SORCS1: variants seen among roughly 807,000 people sequenced by gnomAD.
SORCS1 encodes VPS10 domain-containing receptor SorCS1.
A neutral mutation model predicts 146.1 loss-of-function variants in SORCS1; 60 were observed. The observed-to-expected ratio is 0.41, with a 90% CI of 0.33 to 0.51. The LOEUF (loss-of-function observed/expected upper bound fraction) is 0.51. Ranked by LOEUF, SORCS1 falls within the 20% of genes least tolerant of loss-of-function variation. The pLI is 0.21. For missense variants in SORCS1, 1,352 were observed against 1,487.6 expected (o/e 0.91, Z 1.50); for synonymous variants, 637 against 584.0 (o/e 1.09, Z -1.31).
At chr10:107,106,554 T>C (rs1965319508) in intron 1 of SORCS1, among the ~76,000 whole-genome samples, 1 of 152,206 alleles carries the variant, frequency 6.6e-6, no homozygotes, top group Admixed American at 6.5e-5. Flanking sequence ...ATTATATCTA[T>C]TAAATATCTT....
chr10:106,923,308 T>G (rs1456507618), intron 2 of SORCS1, among the ~76,000 whole-genome samples: 1 of 152,202 alleles, frequency 6.6e-6, no homozygotes, highest in Non-Finnish European at 1.5e-5. Flanking sequence ...AGCATTTAAT[T>G]TTCCTCTATG....
chr10:106,791,785 G>A (rs1320538908), intron 3 of SORCS1, among the ~76,000 whole-genome samples: 2 of 152,114 alleles, frequency 1.3e-5, no homozygotes, highest in Non-Finnish European at 1.5e-5. Context: ...TAATTTAACT[G>A]GAAGTGCCTA....
intron 24 of SORCS1, among the ~76,000 whole-genome samples, chr10:106,592,401 C>T (rs556900669): frequency 8.7e-4 from 133 of 152,218 alleles, no homozygotes; most frequent in African/African-American, 3.0e-3. Flanking sequence ...CCTTGTGTTC[C>T]CATAAAAGCA....
intron 4 of SORCS1, among the ~76,000 whole-genome samples, chr10:106,766,505 C>A (rs572479124): frequency 2.0e-5 from 3 of 152,162 alleles, no homozygotes; most frequent in African/African-American, 7.2e-5. Context: ...GAGAAAAATG[C>A]GGTCCTCAGA....
At chr10:106,642,737 C>CAGTGT (rs1221515991) in intron 18 of SORCS1, among the ~76,000 whole-genome samples, 2 of 151,656 alleles carry the variant, frequency 1.3e-5, no homozygotes, top group Non-Finnish European at 2.9e-5. Flanking sequence ...AATAGATAAA[C>CAGTGT]AGTGTCAGGC....
chr10:107,046,010 G>A (rs968695252), intron 1 of SORCS1, among the ~76,000 whole-genome samples: 6 of 151,544 alleles, frequency 4.0e-5, no homozygotes, highest in Admixed American at 3.3e-4. Flanking sequence ...GCAGTGGTGC[G>A]ATCTCGGCTC....
chr10:106,679,439 G>A (rs1852275075), intron 11 of SORCS1, 107 bp from the exon 12 acceptor site: 12 of 1,019,710 alleles, frequency 1.2e-5, no homozygotes, highest in Non-Finnish European at 1.8e-5. Context: ...CAAGCATTCT[G>A]TCTGTGCAGG....
intron 2 of SORCS1, among the ~76,000 whole-genome samples, chr10:106,946,595 G>A (rs1450910744): frequency 6.6e-6 from 1 of 152,230 alleles, no homozygotes; most frequent in Admixed American, 6.5e-5. Context: ...CCAGCACTGT[G>A]GAACTGTGAG....
chr10:106,942,027 G>A lies in SORCS1; in HGVS notation c.626+14486C>T, dbSNP rs549417626. 5.3e-5 allele frequency among the ~76,000 whole-genome samples: 8 copies of A among 152,308 alleles called. No individual in the cohort carries two copies. In the East Asian group the frequency reaches 1.5e-3, roughly 29 times the overall value. On this transcript the variant is annotated intron_variant, in intron 2 of 25. Coordinates refer to ENST00000263054, the MANE Select transcript of SORCS1 (RefSeq NM_052918.5). ...GGGGAATTGACAAGTAGATCTAGTT[G>A]TTCCATATAAATGCAGAAAAATAGC...
chr10:106,625,200 C>CTGTGTGTG lies in SORCS1; in HGVS notation c.2662+3994_2662+4001dup, dbSNP rs3044907. ...CCGTGAGGCTGCACATTGTGTGATT[C>CTGTGTGTG]TGTGTGTGTGTGTGTGTGTGTGTGT... On this transcript the variant is annotated intron_variant, in intron 19 of 25. Transcript: ENST00000263054. Among the ~76,000 whole-genome samples, 992 of 140,134 alleles carry CTGTGTGTG rather than the reference C, an allele frequency of 7.1e-3. 8 individuals carry two copies. Among genetic ancestry groups the CTGTGTGTG allele is most frequent in the Non-Finnish European group, 0.011 (698 of 64,250 alleles). The allele number at this position is 140,134 out of a possible 152,430, so 91.9% of individuals were successfully genotyped here.
At chr10:106,715,132 G>A (rs1855273825) in intron 6 of SORCS1, among the ~76,000 whole-genome samples, 1 of 152,180 alleles carries the variant, frequency 6.6e-6, no homozygotes, top group Admixed American at 6.5e-5. Context: ...CATCCCCCTT[G>A]GGGCTTGCTG....
intron 2 of SORCS1, among the ~76,000 whole-genome samples, chr10:106,954,094 A>C (rs192566339): frequency 6.6e-6 from 1 of 152,208 alleles, no homozygotes; most frequent in Non-Finnish European, 1.5e-5. Flanking sequence ...AGAGAAAAGC[A>C]TACTGAACCT....
intron 1 of SORCS1, among the ~76,000 whole-genome samples, chr10:107,014,566 T>C (rs1246983911): frequency 6.7e-6 from 1 of 150,158 alleles, no homozygotes; most frequent in Non-Finnish European, 1.5e-5. Context: ...TTCTGTTATG[T>C]TATAGCAGCA....
intron 6 of SORCS1, among the ~76,000 whole-genome samples, chr10:106,717,606 A>G (rs1456241174): frequency 1.3e-5 from 2 of 152,234 alleles, no homozygotes; most frequent in Non-Finnish European, 2.9e-5. Flanking sequence ...CATGACTACT[A>G]CAGGGAAAAT....
chr10:106,999,027 G>C (rs1317742570), intron 1 of SORCS1, among the ~76,000 whole-genome samples: 1 of 152,064 alleles, frequency 6.6e-6, no homozygotes, highest in Non-Finnish European at 1.5e-5. Context: ...AATTCTTCAG[G>C]AATAAGTAGT....
At chr10:106,771,697 T>C (rs1372288852) in intron 4 of SORCS1, among the ~76,000 whole-genome samples, 2 of 152,198 alleles carry the variant, frequency 1.3e-5, no homozygotes, top group Non-Finnish European at 2.9e-5. Context: ...AGGGGTGGGA[T>C]TGTAGACACC....
At chr10:106,895,555 G>C (rs1287484460) in intron 2 of SORCS1, among the ~76,000 whole-genome samples, 5 of 152,176 alleles carry the variant, frequency 3.3e-5, no homozygotes, top group Non-Finnish European at 5.9e-5. Context: ...AGGTTGCAGT[G>C]AGCTAAGATT....
chr10:107,172,611 C>G, the SORCS1 span, among the ~76,000 whole-genome samples: 1 of 152,150 alleles, frequency 6.6e-6, no homozygotes, highest in Non-Finnish European at 1.5e-5. Flanking sequence ...ATCTCTTAAC[C>G]TCAGTCCAAA....
chr10:106,795,001 C>T (rs1265012574), intron 3 of SORCS1, among the ~76,000 whole-genome samples: 1 of 152,168 alleles, frequency 6.6e-6, no homozygotes, highest in African/African-American at 2.4e-5. Context: ...ATGTCTGATC[C>T]TTTATTTCTA....
Sources: allele counts gnomAD v4.1 joint callset (sites outside exome capture counted in the v4.1 genomes callset), GRCh38; gene constraint gnomAD v4.1.1; transcripts MANE v1.5; gene names NCBI Gene and HGNC (gene_info 2026-07-23, HGNC 2026-07-21).